EMID1: variants seen among roughly 807,000 people sequenced by gnomAD.
EMID1 encodes the protein EMI domain-containing protein 1.
A neutral mutation model predicts 60.6 loss-of-function variants in EMID1; 40 were observed. That is an observed-to-expected ratio of 0.66 (90% CI 0.51 to 0.86). The LOEUF is 0.86. EMID1 is among the 40% of genes least tolerant of loss of function. The pLI, the probability that EMID1 is intolerant of heterozygous loss-of-function variation, is 0.00. For missense variants in EMID1, 585 were observed against 597.1 expected, an observed-to-expected ratio of 0.98 and a Z score of 0.21; for synonymous variants, 242 against 231.0, an observed-to-expected ratio of 1.05 and a Z score of -0.43.
rs765181283 is a variant in EMID1, at chr22:29,254,203, G to T, written c.1120G>T (p.Gly374Trp). 2.5e-6 allele frequency: 4 copies of T among 1,614,106 alleles called. No homozygotes were observed. The South Asian group carries it at 4.4e-5, about 18-fold the overall frequency. Reference sequence around the variant, plus strand: ...CTGCATCTGTCTCTTTCCTCCACAGGGGGAGGGGTTGCACCAGCTACGCGA... The same window carrying T: ...CTGCATCTGTCTCTTTCCTCCACAGTGGGAGGGGTTGCACCAGCTACGCGA... ...KGDPGEKSHWGEGLHQLREAL... is the reference protein window; with the variant it reads ...KGDPGEKSHWWEGLHQLREAL... Residue 374 changes from glycine to tryptophan, a missense_variant and splice_region_variant, in exon 14 of 15, where the codon GGG (glycine) becomes TGG (tryptophan). By Grantham distance (184) the Gly-to-Trp change is radical. Transcript: ENST00000334018.
chr22:29,215,627 G>C lies in EMID1; in HGVS notation c.316G>C (p.Glu106Gln). The part of the protein sequence containing the change: ...CPGHSGVSCE[E>Q]VAASSASLEP... ...TGGGCACTCAGGAGTGAGCTGCGAG[G>C]AAGGTAGGACTGCCCGGCCGGCTCC... The change falls in exon 3 of 15, where the codon GAA (glutamate) becomes CAA (glutamine). Residue 106 changes from glutamate to glutamine, a missense_variant. Glu to Gln is a conservative substitution (Grantham distance 29, BLOSUM62 2). Transcript: ENST00000334018. 1 of 1,613,950 alleles carries C rather than the reference G, an allele frequency of 6.2e-7. No individual in the cohort carries two copies.
At chr22:29,231,444 C>T (rs1046266032) in intron 6 of EMID1, 149 bp from the exon 7 acceptor site, 2 of 876,690 alleles carry the variant, frequency 2.3e-6, no homozygotes, top group Non-Finnish European at 3.6e-6. Context: ...CTCTGCCTAC[C>T]CCCCCCACCC....
At chr22:29,235,845 A>G (rs1215512223) in intron 12 of EMID1, among the ~76,000 whole-genome samples, 3 of 123,332 alleles carry the variant, frequency 2.4e-5, no homozygotes, top group Admixed American at 2.2e-4. Context: ...GTTGGAGTGC[A>G]GTGGTGCAAT....
At chr22:29,240,604 G>A (rs1024356451) in intron 12 of EMID1, among the ~76,000 whole-genome samples, 1 of 152,186 alleles carries the variant, frequency 6.6e-6, no homozygotes, top group Non-Finnish European at 1.5e-5. Flanking sequence ...CTGGCTCCTT[G>A]CTTCTAGCAC....
chr22:29,220,567 CG>C (rs770332052), intron 3 of EMID1, among the ~76,000 whole-genome samples: 1 of 152,048 alleles, frequency 6.6e-6, no homozygotes, highest in Non-Finnish European at 1.5e-5. Context: ...GAGCAGATCT[CG>C]GGGGTCGGTT....
intron 13 of EMID1, among the ~76,000 whole-genome samples, chr22:29,247,307 G>T (rs1422203380): frequency 6.6e-6 from 1 of 152,162 alleles, no homozygotes; most frequent in African/African-American, 2.4e-5. Context: ...TTGGTACAAT[G>T]AATGTCATTC....
intron 4 of EMID1, 91 bp downstream of exon 4, chr22:29,225,307 G>GACCTACTGGCTTT: frequency 7.4e-7 from 1 of 1,358,708 alleles, no homozygotes; most frequent in Non-Finnish European, 1.0e-6. Context: ...CTAAAAGCCA[G>GACCTACTGGCTTT]TAGGTCTGGC....
Position 29,232,350 on chromosome 22 carries a change from C to A in EMID1, c.771C>A (p.Pro257=). 6.2e-7 allele frequency: 1 copy of A among 1,606,102 alleles called. No homozygotes were observed. The highest frequency in any genetic ancestry group is 1.1e-5 in the South Asian group (1 of 90,582). The change falls in exon 8 of 15, where the codon CCC becomes CCA. Residue 257 remains proline (P), a synonymous_variant. Transcript: ENST00000334018. The part of the protein sequence containing the change: ...GPPGPPGPPG[P]PGPPAPVGPP... ...CTGGGCCACCAGGGCCTCCTGGCCC[C>A]CCTGGGCCCCCAGCCCCTGTTGGGC...
Position 29,231,139 on chromosome 22 carries a change from G to C in EMID1, c.585G>C (p.Gln195His). ...GCAGCCCCGGAGATGGAGGCCTCCAGGGTGAGTGTCAGACTCAGACTCCCC... is the reference window on the plus strand; with the variant it reads ...GCAGCCCCGGAGATGGAGGCCTCCACGGTGAGTGTCAGACTCAGACTCCCC... Reference protein sequence around the residue: ...AQGSPGDGGLQDQVGAWGLPG... With the variant: ...AQGSPGDGGLHDQVGAWGLPG... The change falls in exon 6 of 15, where the codon CAG becomes CAC. Residue 195 changes from glutamine (Q) to histidine (H), a missense_variant and splice_region_variant. Transcript: ENST00000334018. 1 of 1,598,770 alleles carries C rather than the reference G, an allele frequency of 6.3e-7. No individual in the cohort carries two copies. The highest frequency in any genetic ancestry group is 8.5e-7 in the Non-Finnish European group (1 of 1,173,866).
chr22:29,248,664 C>T (rs184675447), intron 13 of EMID1, among the ~76,000 whole-genome samples: 5 of 152,118 alleles, frequency 3.3e-5, no homozygotes, highest in Admixed American at 6.5e-5. Context: ...GGCAGCATAG[C>T]GAGACCTTGT....
chr22:29,225,545 G>C, intron 4 of EMID1, among the ~76,000 whole-genome samples: 1 of 152,218 alleles, frequency 6.6e-6, no homozygotes, highest in Non-Finnish European at 1.5e-5. Context: ...CCCTGTGCCA[G>C]GCGCTTCCCA....
At chr22:29,209,014 A>G (rs992587706) in intron 1 of EMID1, among the ~76,000 whole-genome samples, 1 of 152,146 alleles carries the variant, frequency 6.6e-6, no homozygotes, top group African/African-American at 2.4e-5. Context: ...CAGGACTGGA[A>G]CTTCGCCCCT....
rs182925190 is a variant in EMID1 at position 29,206,124 on chromosome 22, C to A, written c.86C>A (p.Pro29Gln). The change falls in exon 1 of 15, where the codon CCG (proline) becomes CAG (glutamine). Residue 29 changes from proline to glutamine, a missense_variant. Transcript: ENST00000334018. Reference sequence around the variant, plus strand: ...GCTGCGTGGAGCATCGGGGCAGCTCCGTTCTCCGGACGCAGGTAAGAGCTC... The same window carrying A: ...GCTGCGTGGAGCATCGGGGCAGCTCAGTTCTCCGGACGCAGGTAAGAGCTC... ...GGAAWSIGAA[P>Q]FSGRRNWCSY... 8.1e-7 allele frequency: 1 copy of A among 1,230,718 alleles called. No homozygotes were observed. 76.2% of individuals were successfully genotyped at this position (1,230,718 alleles called of 1,614,324 possible).
intron 14 of EMID1, among the ~76,000 whole-genome samples, chr22:29,256,646 GGC>G (rs1602071598): frequency 6.6e-6 from 1 of 152,046 alleles, no homozygotes; most frequent in African/African-American, 2.4e-5. Context: ...GGCCATGAGT[GGC>G]AGGGAATCGT....
intron 3 of EMID1, among the ~76,000 whole-genome samples, chr22:29,224,708 C>A (rs2040433701): frequency 6.6e-6 from 1 of 152,228 alleles, no homozygotes; most frequent in African/African-American, 2.4e-5. Flanking sequence ...GCATTCATGG[C>A]CGACCTCAGG....
At chr22:29,254,676 C>A in intron 14 of EMID1, 1 of 227,732 alleles carries the variant, frequency 4.4e-6, no homozygotes, top group African/African-American at 2.3e-5. Context: ...GTGCAAGGAA[C>A]CATGGGGAAT....
At chr22:29,226,860 C>T (rs1453001220) in intron 5 of EMID1, among the ~76,000 whole-genome samples, 2 of 152,138 alleles carry the variant, frequency 1.3e-5, no homozygotes, top group Non-Finnish European at 2.9e-5. Flanking sequence ...GCCAGCCTGG[C>T]CTGTTCTTCC....
intron 5 of EMID1, among the ~76,000 whole-genome samples, chr22:29,230,005 T>C (rs1449561110): frequency 6.6e-6 from 1 of 152,210 alleles, no homozygotes; most frequent in Non-Finnish European, 1.5e-5. Flanking sequence ...TCCAGGTTTC[T>C]ATTTCATGTC....
At chr22:29,213,581 G>C (rs1306136102) in intron 1 of EMID1, among the ~76,000 whole-genome samples, 1 of 152,064 alleles carries the variant, frequency 6.6e-6, no homozygotes, top group Non-Finnish European at 1.5e-5. Context: ...GCTGCAGCGA[G>C]TGGGGGCTGC....
Sources: allele counts gnomAD v4.1 joint callset (sites outside exome capture counted in the v4.1 genomes callset), GRCh38; gene constraint gnomAD v4.1.1; transcripts MANE v1.5; gene names NCBI Gene and HGNC (gene_info 2026-07-23, HGNC 2026-07-21).